The following NDUFA10 variants were observed in gnomAD, a reference collection of about 807,000 sequenced individuals.
NDUFA10 encodes NADH:ubiquinone oxidoreductase subunit A10.
A neutral mutation model predicts 47.8 loss-of-function variants in NDUFA10; 40 were observed. The ratio of observed to expected loss-of-function variants is 0.84; its 90% CI spans 0.65 to 1.09. The LOEUF (loss-of-function observed/expected upper bound fraction) is 1.09. Ranked by LOEUF, NDUFA10 falls within the 50% of genes least tolerant of loss-of-function variation. The pLI, the probability that NDUFA10 is intolerant of heterozygous loss-of-function variation, is 0.00. For synonymous variants in NDUFA10, 183 were observed against 172.2 expected (o/e 1.06, Z -0.49); for missense variants, 413 against 451.1 (o/e 0.92, Z 0.76).
intron 8 of NDUFA10, among the ~76,000 whole-genome samples, chr2:239,999,083 C>T (rs2106459513): frequency 6.6e-6 from 1 of 152,236 alleles, no homozygotes; most frequent in South Asian, 2.1e-4. Context: ...GAACTTGGGT[C>T]TCCGAACTCA....
At chr2:240,010,038 C>T (rs998724690) in intron 6 of NDUFA10, among the ~76,000 whole-genome samples, 5 of 152,216 alleles carry the variant, frequency 3.3e-5, no homozygotes, top group Non-Finnish European at 7.3e-5. Flanking sequence ...TAGTGAATTT[C>T]TATGAGAAAA....
chr2:239,915,467 C>T (rs932305618), intron 4 of NDUFA10, among the ~76,000 whole-genome samples: 1 of 145,850 alleles, frequency 6.9e-6, no homozygotes, highest in African/African-American at 2.7e-5. Flanking sequence ...GATACACATA[C>T]ATACACACAC....
At chr2:239,900,306 A>G (rs1242649898) in intron 4 of NDUFA10, among the ~76,000 whole-genome samples, 1 of 95,636 alleles carries the variant, frequency 1.0e-5, no homozygotes, top group Admixed American at 1.1e-4. Context: ...TCCTTAATGA[A>G]CTCCCCTTCA....
intron 4 of NDUFA10, among the ~76,000 whole-genome samples, chr2:239,898,963 GGGTGTGATGAAGAGGTATGATGGAGA>G (rs1455531185): frequency 6.3e-5 from 7 of 111,224 alleles, no homozygotes; most frequent in Admixed American, 2.5e-4. Flanking sequence ...GGGTGTGGCA[GGGTGTGATGAAGAGGTATGATGGAGA>G]GGTGTGATGG....
At chr2:239,967,546 A>G (rs1695128836) in intron 9 of NDUFA10, among the ~76,000 whole-genome samples, 1 of 152,206 alleles carries the variant, frequency 6.6e-6, no homozygotes, top group African/African-American at 2.4e-5. Flanking sequence ...GGTAACAACA[A>G]GACAGTAAAG....
intron 4 of NDUFA10, among the ~76,000 whole-genome samples, chr2:239,931,197 T>A (rs1434255695): frequency 1.3e-5 from 2 of 152,138 alleles, no homozygotes; most frequent in Non-Finnish European, 2.9e-5. Flanking sequence ...TTAATCCACA[T>A]GATGTAGTCT....
intron 4 of NDUFA10, 110 bp from the exon 5 acceptor site, chr2:240,014,970 C>T: frequency 3.4e-6 from 5 of 1,461,246 alleles, no homozygotes; most frequent in Non-Finnish European, 4.7e-6. Context: ...CTCAAAGCCA[C>T]GTACCAATCT....
At chr2:239,907,251 A>C (rs1051358107) in intron 4 of NDUFA10, among the ~76,000 whole-genome samples, 49 of 152,366 alleles carry the variant, frequency 3.2e-4, no homozygotes, top group African/African-American at 1.1e-3. Flanking sequence ...CTTATACAAA[A>C]ATTAATTCAA....
At chr2:239,986,439 C>A (rs1171067050) in intron 9 of NDUFA10, among the ~76,000 whole-genome samples, 1 of 152,148 alleles carries the variant, frequency 6.6e-6, no homozygotes, top group African/African-American at 2.4e-5. Flanking sequence ...TTCTCATCAT[C>A]TGAGAAGGAT....
intron 4 of NDUFA10, among the ~76,000 whole-genome samples, chr2:239,897,204 A>G (rs781242358): frequency 1.3e-5 from 2 of 152,226 alleles, no homozygotes; most frequent in Admixed American, 6.5e-5. Context: ...ATTTCCCAGC[A>G]TGTAGGACAC....
chr2:240,020,497 A>T (rs1194339571), intron 3 of NDUFA10, among the ~76,000 whole-genome samples: 1 of 152,230 alleles, frequency 6.6e-6, no homozygotes, highest in African/African-American at 2.4e-5. Context: ...GAATGATTAC[A>T]GTAACCCGTC....
chr2:239,929,870 GCCCTGCTCCTCCACTGC>G lies in NDUFA10; in HGVS notation c.295-34573_295-34557del, dbSNP rs1292654728. On this transcript the variant is annotated intron_variant, in intron 4 of 5. Coordinates refer to the NDUFA10 transcript ENST00000419408. ...TCCCACTGCCCCTGCTCCTCAGCCA[GCCCTGCTCCTCCACTGC>G]CCCTGCTCCTCCACCAGTCCTGCTC... Among the ~76,000 whole-genome samples the G allele has an allele frequency of 5.7e-5, 7 of 122,884 alleles. No individual in the cohort carries two copies. In the East Asian group the frequency reaches 9.7e-4, roughly 17 times the overall value. The allele number at this position is 122,884 out of a possible 152,430, so 80.6% of individuals were successfully genotyped here. A position where few individuals can be genotyped will look rare whatever the true frequency, so the allele number is the denominator to read the frequency against.
chr2:240,025,198 G>A, intron 1 of NDUFA10, 29 bp downstream of exon 1: 2 of 570,592 alleles, frequency 3.5e-6, no homozygotes, highest in Non-Finnish European at 5.2e-6. Context: ...CTGCCACCCC[G>A]CCACCCTGCC....
chr2:239,989,226 T>C (rs139297174), intron 9 of NDUFA10, among the ~76,000 whole-genome samples: 57 of 152,300 alleles, frequency 3.7e-4, no homozygotes, highest in Non-Finnish European at 6.2e-4. Context: ...TCCAAAAAAT[T>C]TACTTAAAAG....
downstream of NDUFA10, among the ~76,000 whole-genome samples, chr2:239,957,083 T>C (rs1382286010): frequency 2.6e-5 from 4 of 152,120 alleles, no homozygotes; most frequent in Non-Finnish European, 5.9e-5. Context: ...AGACCCTCCT[T>C]GCGGCTCAGA....
chr2:239,912,760 A>G (rs1693777997), intron 4 of NDUFA10, among the ~76,000 whole-genome samples: 1 of 152,332 alleles, frequency 6.6e-6, no homozygotes, highest in Non-Finnish European at 1.5e-5. Flanking sequence ...CACAGGTGAC[A>G]GAGGCTGGTG....
Position 239,987,446 on chromosome 2 carries a change from C to T in NDUFA10, c.999+2628G>A, listed in dbSNP as rs762535020. ...ACAGCAGTTCAAATGATCCTGACAC[C>T]GAGACCACACTCGGCGAACCATCAC... On this transcript the variant is annotated intron_variant, in intron 9 of 9. Transcript: ENST00000252711. This position sits in a 1 kb window ranked among gnomAD's most constrained non-coding sequence, Gnocchi z 4.8. Among the ~76,000 whole-genome samples the T allele has an allele frequency of 5.4e-5, 8 of 148,578 alleles. No homozygotes were observed. The highest frequency in any genetic ancestry group is 1.7e-4 in the African/African-American group (7 of 40,162).
intron 8 of NDUFA10, among the ~76,000 whole-genome samples, chr2:239,998,826 A>G (rs1317930692): frequency 6.6e-6 from 1 of 152,190 alleles, no homozygotes; most frequent in African/African-American, 2.4e-5. Flanking sequence ...CACAGGAGGA[A>G]GAGCCTGTGC....
chr2:239,995,576 G>A (rs1696439983), intron 8 of NDUFA10, among the ~76,000 whole-genome samples: 1 of 152,138 alleles, frequency 6.6e-6, no homozygotes, highest in Non-Finnish European at 1.5e-5. Flanking sequence ...CAGAAAACAG[G>A]GAAAAGCATG....
Sources: gnomAD v4.1 joint callset for allele counts (sites outside exome capture counted in the v4.1 genomes callset) on GRCh38, gnomAD v4.1.1 for gene constraint, Gnocchi (gnomAD v3.1) non-coding constraint, MANE v1.5 for transcripts, NCBI Gene and HGNC (gene_info 2026-07-23, HGNC 2026-07-21) for gene names.